PCDH7: variants seen among roughly 807,000 people sequenced by gnomAD.
PCDH7 encodes protocadherin 7, also known as protocadherin-7.
A neutral mutation model predicts 58.9 loss-of-function variants in PCDH7; 17 were observed. That is an observed-to-expected ratio of 0.29 (90% CI 0.20 to 0.43). The LOEUF is 0.43. Among genes scored for constraint, PCDH7 ranks in the 20% least tolerant of loss-of-function variants. PCDH7 has a pLI of 1.00. For missense variants in PCDH7, 1,274 were observed against 1,441.0 expected (o/e 0.88, Z 1.88); for synonymous variants, 664 against 616.4 (o/e 1.08, Z -1.14).
chr4:30,986,875 G>C (rs1751015926), intron 3 of PCDH7, among the ~76,000 whole-genome samples: 1 of 151,972 alleles, frequency 6.6e-6, no homozygotes, highest in African/African-American at 2.4e-5. Context: ...CAGCTACTCA[G>C]GAGGCTGAGG....
chr4:30,969,177 C>A (rs1394987885), intron 3 of PCDH7, among the ~76,000 whole-genome samples: 1 of 152,136 alleles, frequency 6.6e-6, no homozygotes, highest in Non-Finnish European at 1.5e-5. Context: ...CAACGTCCAT[C>A]CTGAATGTTC....
intron 1 of PCDH7, among the ~76,000 whole-genome samples, chr4:30,849,393 G>A (rs1732413806): frequency 6.6e-6 from 1 of 152,136 alleles, no homozygotes. Flanking sequence ...TAGGCAGACT[G>A]ACCTTTCAGG....
At chr4:30,782,845 C>T (rs115317555) in intron 1 of PCDH7, among the ~76,000 whole-genome samples, 2,528 of 152,148 alleles carry the variant, frequency 0.017, 33 homozygotes, top group Non-Finnish European at 0.027. Context: ...TCCTTTCCTT[C>T]GAGTATATGG....
chr4:30,898,059 A>T (rs1259296848), intron 1 of PCDH7, among the ~76,000 whole-genome samples: 2 of 152,196 alleles, frequency 1.3e-5, no homozygotes, highest in Non-Finnish European at 2.9e-5. Context: ...TAAGTTTTCC[A>T]ATTTGCAGTA....
At chr4:30,734,290 C>T (rs1715935299), downstream of PCDH7, among the ~76,000 whole-genome samples, 1 of 151,252 alleles carries the variant, frequency 6.6e-6, no homozygotes, top group African/African-American at 2.4e-5. Flanking sequence ...TGGAGTGCAG[C>T]AGCACAGTCA....
intron 3 of PCDH7, among the ~76,000 whole-genome samples, chr4:31,043,209 A>G (rs1357176114): frequency 1.3e-5 from 2 of 152,106 alleles, no homozygotes; most frequent in East Asian, 3.9e-4. Context: ...TTCAAACCAT[A>G]GCATCTGGCA....
chr4:30,740,368 C>G (rs143442578), intron 1 of PCDH7, among the ~76,000 whole-genome samples: 1 of 152,108 alleles, frequency 6.6e-6, no homozygotes, highest in South Asian at 2.1e-4. Flanking sequence ...TAAATCTTAC[C>G]TTATGCAAAA....
intron 1 of PCDH7, among the ~76,000 whole-genome samples, chr4:30,846,271 G>A (rs937732882): frequency 6.6e-6 from 1 of 151,998 alleles, no homozygotes; most frequent in African/African-American, 2.4e-5. Flanking sequence ...TGAGGGCATT[G>A]CCCTCATGAA....
rs1483234598 is a variant in PCDH7 at position 31,142,455 on chromosome 4, A to T, written c.*8-18A>T. On this transcript the variant is annotated intron_variant, in intron 3 of 3. Transcript: ENST00000509759. Reference sequence around the variant, plus strand: ...GAGGAGTGTCAAATACTAATGGCTTATTCTCCTTGGATTTCAGATTCAAGG... The same window carrying T: ...GAGGAGTGTCAAATACTAATGGCTTTTTCTCCTTGGATTTCAGATTCAAGG... The T allele has an allele frequency of 2.2e-6, 3 of 1,361,678 alleles. No individual in the cohort carries two copies. Among genetic ancestry groups the T allele is most frequent in the Non-Finnish European group, 2.9e-6 (3 of 1,019,018 alleles). 84.3% of individuals were successfully genotyped at this position (1,361,678 alleles called of 1,614,324 possible).
chr4:30,869,435 A>G lies in PCDH7; in HGVS notation c.71-50718A>G, dbSNP rs188420060. Among the ~76,000 whole-genome samples the G allele has an allele frequency of 2.6e-5, 4 of 151,872 alleles. No individual in the cohort carries two copies. In the East Asian group the frequency reaches 7.8e-4, roughly 30 times the overall value. ...TTCTCCTAATGCTATCCCTTCCCTA[A>G]ACCCCACCCACTGAAAGGCCCCAGT... On this transcript the variant is annotated intron_variant, in intron 1 of 3. Coordinates refer to the PCDH7 transcript ENST00000509759.
chr4:30,909,531 C>T (rs555604466), intron 1 of PCDH7, among the ~76,000 whole-genome samples: 1 of 152,108 alleles, frequency 6.6e-6, no homozygotes, highest in Non-Finnish European at 1.5e-5. Context: ...TCCTATACAC[C>T]AGTAATAGAA....
intron 3 of PCDH7, among the ~76,000 whole-genome samples, chr4:31,044,980 G>A (rs2109210770): frequency 6.6e-6 from 1 of 152,084 alleles, no homozygotes; most frequent in South Asian, 2.1e-4. Flanking sequence ...AGTCCCCTAA[G>A]TATTTTATTT....
At chr4:30,968,397 TATATATATATATATATATGG>T (rs772449261) in intron 3 of PCDH7, among the ~76,000 whole-genome samples, 2,617 of 61,324 alleles carry the variant, frequency 0.043, 90 homozygotes, top group African/African-American at 0.059. Context: ...TATATATATA[TATATATATATATATATATGG>T]GATATTATGT....
At chr4:31,062,953 A>G (rs1175820664) in intron 3 of PCDH7, among the ~76,000 whole-genome samples, 1 of 151,936 alleles carries the variant, frequency 6.6e-6, no homozygotes, top group Non-Finnish European at 1.5e-5. Context: ...TACATGCAGT[A>G]TAGCTAGTAT....
intron 3 of PCDH7, among the ~76,000 whole-genome samples, chr4:30,990,275 A>T (rs1461782046): frequency 6.6e-6 from 1 of 152,032 alleles, no homozygotes. Flanking sequence ...CTATGTATCT[A>T]CCTATATATG....
intron 3 of PCDH7, among the ~76,000 whole-genome samples, chr4:30,970,464 T>G (rs1011216438): frequency 2.5e-5 from 3 of 119,064 alleles, no homozygotes; most frequent in Non-Finnish European, 4.9e-5. Context: ...CTGGCTAATT[T>G]TTTGTATTTT....
At chr4:30,822,211 A>G (rs911257085) in intron 1 of PCDH7, among the ~76,000 whole-genome samples, 2 of 152,104 alleles carry the variant, frequency 1.3e-5, no homozygotes, top group Non-Finnish European at 2.9e-5. Flanking sequence ...TTCAAAGAGC[A>G]CCTACTTTCA....
In PCDH7 at chr4:30,962,836, A is replaced by T. The variant is rs571031630; in HGVS notation, c.*7+12621A>T. Among the ~76,000 whole-genome samples the T allele has an allele frequency of 1.5e-4, 22 of 150,536 alleles. No individual in the cohort carries two copies. In the South Asian group the frequency reaches 4.7e-3, roughly 32 times the overall value. ...GTAATTCTATATAAGTGAAGTGTTG[A>T]TACACTTGAGACTACAGTAAGAGCC... On this transcript the variant is annotated intron_variant, in intron 3 of 3. Transcript: ENST00000509759.
At chr4:31,064,393 T>C (rs187016813) in intron 3 of PCDH7, among the ~76,000 whole-genome samples, 70 of 152,060 alleles carry the variant, frequency 4.6e-4, no homozygotes, top group African/African-American at 1.7e-3. Context: ...TTGTAGGGCG[T>C]GTGTGTCTTT....
Sources: gnomAD v4.1 joint callset for allele counts (sites outside exome capture counted in the v4.1 genomes callset) on GRCh38, gnomAD v4.1.1 for gene constraint, MANE v1.5 for transcripts, NCBI Gene and HGNC (gene_info 2026-07-23, HGNC 2026-07-21) for gene names.